The following SYNPO variants were observed in gnomAD, a reference collection of about 807,000 sequenced individuals.
SYNPO encodes synaptopodin.
A neutral mutation model predicts 49.5 loss-of-function variants in SYNPO; 19 were observed. The ratio of observed to expected loss-of-function variants is 0.38; its 90% CI spans 0.27 to 0.56. The LOEUF (loss-of-function observed/expected upper bound fraction) is 0.56. Ranked by LOEUF, SYNPO falls within the 20% of genes least tolerant of loss-of-function variation. SYNPO has a pLI of 0.68. For synonymous variants in SYNPO, 536 were observed against 548.0 expected (o/e 0.98, Z 0.31); for missense variants, 1,131 against 1,248.3 (o/e 0.91, Z 1.42).
At chr5:150,607,538 G>T (rs1756728641) in intron 1 of SYNPO, among the ~76,000 whole-genome samples, 1 of 152,154 alleles carries the variant, frequency 6.6e-6, no homozygotes. Flanking sequence ...GACTTTCTTT[G>T]CCAAGCACAT....
Position 150,648,996 on chromosome 5 carries a change from A to C in SYNPO, c.721A>C (p.Arg241=), listed in dbSNP as rs776697224. The part of the protein sequence containing the change: ...KPPSVVNRTA[R]PFGIQAPGGT... ...CCCATCAGTGGTCAACAGGACGGCCAGGCCTTTTGGGATCCAGGCGCCAGG... is the reference window on the plus strand; with the variant it reads ...CCCATCAGTGGTCAACAGGACGGCCCGGCCTTTTGGGATCCAGGCGCCAGG... Residue 241 remains arginine (R), a synonymous_variant, in exon 2 of 3, where the codon AGG becomes CGG. Coordinates refer to ENST00000307662, the MANE Select transcript of SYNPO (RefSeq NM_007286.6). The surrounding 1 kb of genome is among the most constrained non-coding windows in gnomAD (Gnocchi z 5.0). 1 of 1,614,244 alleles carries C rather than the reference A, an allele frequency of 6.2e-7. No individual in the cohort carries two copies. The highest frequency in any genetic ancestry group is 8.5e-7 in the Non-Finnish European group (1 of 1,180,030).
chr5:150,649,833 A>T lies in SYNPO; in HGVS notation c.1558A>T (p.Lys520Ter). 6.2e-7 allele frequency: 1 copy of T among 1,609,498 alleles called. No homozygotes were observed. The highest frequency in any genetic ancestry group is 8.5e-7 in the Non-Finnish European group (1 of 1,179,970). ...SPTMSLPSSW[K>*]YPTNAPGAFR... ...TACCATGTCCCTGCCTTCCTCCTGG[A>T]AATACCCCACTAACGCCCCCGGGGC... Residue 520 changes from lysine (K) to a stop codon, truncating the protein, a stop_gained, in exon 2 of 3, where the codon AAA (lysine) becomes TAA (stop). Coordinates refer to ENST00000307662, the MANE Select transcript of SYNPO (RefSeq NM_007286.6). LOFTEE classifies it high-confidence loss of function.
At chr5:150,624,912 G>A in intron 2 of SYNPO, 1 of 985,624 alleles carries the variant, frequency 1.0e-6, no homozygotes. Context: ...CTGGAGGTGA[G>A]TGAGGGGCGC....
At chr5:150,635,316 G>A (rs115977236) in intron 2 of SYNPO, among the ~76,000 whole-genome samples, 1,858 of 152,368 alleles carry the variant, frequency 0.012, 13 homozygotes, top group Non-Finnish European at 0.019. Context: ...GTGGGCATAC[G>A]TGCAGAGGAG....
At chr5:150,595,853 C>T in the SYNPO span, among the ~76,000 whole-genome samples, 1 of 150,418 alleles carries the variant, frequency 6.6e-6, no homozygotes, top group Non-Finnish European at 1.5e-5. Flanking sequence ...ATGCCCCCCA[C>T]CCCCCCAGCT....
chr5:150,623,854 T>C (rs527855660), intron 2 of SYNPO, among the ~76,000 whole-genome samples: 1 of 152,332 alleles, frequency 6.6e-6, no homozygotes, highest in South Asian at 2.1e-4. Flanking sequence ...CCGGGGAAAC[T>C]TCGGTGAAAA....
At chr5:150,610,728 T>C (rs1320025721) in intron 1 of SYNPO, among the ~76,000 whole-genome samples, 1 of 152,226 alleles carries the variant, frequency 6.6e-6, no homozygotes. Flanking sequence ...ACTCATTGCA[T>C]ATCATGTGTT....
At chr5:150,652,554 A>G in intron 2 of SYNPO, 3 of 323,914 alleles carry the variant, frequency 9.3e-6, no homozygotes, top group Non-Finnish European at 1.3e-5. Context: ...TACAGCACTC[A>G]GGGAGCCAGA....
the SYNPO span, among the ~76,000 whole-genome samples, chr5:150,593,173 G>A: frequency 6.6e-6 from 1 of 152,328 alleles, no homozygotes; most frequent in East Asian, 1.9e-4. Context: ...AATGGCCTTA[G>A]GCCCCCAGAC....
In SYNPO at chr5:150,615,872, G is replaced by A. The variant is rs146191605; in HGVS notation, c.-265-2231G>A. On this transcript the variant is annotated intron_variant, in intron 1 of 2. Coordinates refer to the SYNPO transcript ENST00000394243. ...AGGCAAGAAGTCACTTCACCTATCT[G>A]AGCCTCAATTTCCTCACCTCTGAAA... Among the ~76,000 whole-genome samples, 904 of 152,254 alleles carry A rather than the reference G, an allele frequency of 5.9e-3. 12 individuals carry two copies. Among genetic ancestry groups the A allele is most frequent in the African/African-American group, 0.021 (879 of 41,532 alleles).
chr5:150,650,475 G>A (rs1327898786), intron 2 of SYNPO, 172 bp downstream of exon 2: 2 of 1,511,056 alleles, frequency 1.3e-6, no homozygotes. Flanking sequence ...CCACCAGCTG[G>A]CTTTGTGACC....
chr5:150,618,337 C>T lies in SYNPO; in HGVS notation c.-31C>T, dbSNP rs971516527. ...GCCCTGGCCCAGGCCCAGGAGCCTG[C>T]TTCCCTGCATCGCTGAGGAAGAACA... is the stretch of plus-strand genomic sequence containing the variant. On this transcript the variant is annotated 5_prime_UTR_variant, in exon 2 of 3. Transcript: ENST00000394243. 8 of 1,527,420 alleles carry T rather than the reference C, an allele frequency of 5.2e-6. No homozygotes were observed. The Admixed American group carries it at 1.5e-4, about 28-fold the overall frequency. 94.6% of individuals were successfully genotyped at this position (1,527,420 alleles called of 1,614,324 possible). A position where few individuals can be genotyped will look rare whatever the true frequency, so the allele number is the denominator to read the frequency against.
intron 1 of SYNPO, among the ~76,000 whole-genome samples, chr5:150,613,307 G>A (rs1386675070): frequency 6.6e-6 from 1 of 152,058 alleles, no homozygotes; most frequent in Admixed American, 6.5e-5. Context: ...GCAGGAGAGA[G>A]CCTAGGCAAC....
exon 2 of SYNPO, chr5:150,618,588 A>C: frequency 6.4e-7 from 1 of 1,551,354 alleles, no homozygotes; most frequent in Non-Finnish European, 8.7e-7. Context: ...AGAGTCACCC[A>C]GGGGACACCG....
intron 2 of SYNPO, among the ~76,000 whole-genome samples, chr5:150,634,740 G>T (rs1757650191): frequency 6.6e-6 from 1 of 151,760 alleles, no homozygotes; most frequent in Admixed American, 6.6e-5. Flanking sequence ...AGGGTCACTT[G>T]TCCCTGGAAG....
At chr5:150,625,296 C>G (rs1757318787) in intron 2 of SYNPO, among the ~76,000 whole-genome samples, 1 of 151,814 alleles carries the variant, frequency 6.6e-6, no homozygotes, top group Non-Finnish European at 1.5e-5. Context: ...AAAAGTCGGA[C>G]CGACTTGACC....
At chr5:150,590,169 T>C in the SYNPO span, among the ~76,000 whole-genome samples, 1 of 152,360 alleles carries the variant, frequency 6.6e-6, no homozygotes, top group East Asian at 1.9e-4. Flanking sequence ...ACAGGCTCTT[T>C]GATGTCTGAG....
intron 2 of SYNPO, chr5:150,654,136 T>C (rs1357713533): frequency 1.3e-5 from 2 of 152,136 alleles, no homozygotes; most frequent in Non-Finnish European, 2.9e-5. Flanking sequence ...TAGATTTTGA[T>C]CGGGTAGGAA....
intron 1 of SYNPO, among the ~76,000 whole-genome samples, chr5:150,609,077 A>G (rs1756772367): frequency 6.6e-6 from 1 of 152,176 alleles, no homozygotes; most frequent in Non-Finnish European, 1.5e-5. Flanking sequence ...GAGAAAAAAA[A>G]GCTTTGATTT....
Sources: allele counts gnomAD v4.1 joint callset (sites outside exome capture counted in the v4.1 genomes callset), GRCh38; gene constraint gnomAD v4.1.1; non-coding constraint Gnocchi (gnomAD v3.1); transcripts MANE v1.5; gene names NCBI Gene and HGNC (gene_info 2026-07-23, HGNC 2026-07-21).